The following TNNI3K variants were observed in gnomAD, a reference collection of about 807,000 sequenced individuals.
TNNI3K encodes the protein TNNI3 interacting kinase.
Under a neutral mutation model 114.5 loss-of-function variants are expected in TNNI3K, and 140 were observed. That is an observed-to-expected ratio of 1.22 (90% CI 1.07 to 1.41). The LOEUF is 1.41. Among genes scored for constraint, TNNI3K ranks in the 40% most tolerant of loss-of-function variants. The probability of loss-of-function intolerance (pLI) is 0.00; values close to 1 mark genes in which losing one functional copy is unlikely to be tolerated. For missense variants in TNNI3K, 1,125 were observed against 1,007.6 expected (o/e 1.12, Z -1.58); for synonymous variants, 347 against 347.5 (o/e 1.00, Z 0.02).
chr1:74,418,192 TGCTAGA>T (rs1371647678), intron 17 of TNNI3K: 3 of 453,852 alleles, frequency 6.6e-6, no homozygotes, highest in Non-Finnish European at 1.3e-5. Context: ...TGTATGTGAT[TGCTAGA>T]GCTCAAGCAG....
intron 21 of TNNI3K, chr1:74,475,242 T>G: frequency 1.6e-6 from 1 of 614,408 alleles, no homozygotes; most frequent in South Asian, 2.1e-5. Flanking sequence ...GGAGGCTCCC[T>G]CCTTCAAAAA....
chr1:74,470,462 T>C, intron 21 of TNNI3K: 1 of 400,708 alleles, frequency 2.5e-6, no homozygotes, highest in East Asian at 3.6e-5. Context: ...TTTTCGCTAC[T>C]ATTGGTTAGG....
At chr1:74,270,957 T>G (rs1360569879) in intron 4 of TNNI3K, among the ~76,000 whole-genome samples, 3 of 151,824 alleles carry the variant, frequency 2.0e-5, no homozygotes, top group Non-Finnish European at 4.4e-5. Context: ...AAGTAAGAAT[T>G]ACTTTAATTG....
At chr1:74,532,001 T>A (rs926807121) in intron 23 of TNNI3K, among the ~76,000 whole-genome samples, 3 of 152,200 alleles carry the variant, frequency 2.0e-5, no homozygotes, top group African/African-American at 7.2e-5. Context: ...TAAAAACTAA[T>A]TGGACCAATT....
intron 17 of TNNI3K, among the ~76,000 whole-genome samples, chr1:74,380,699 G>A (rs1043710499): frequency 2.6e-5 from 4 of 152,122 alleles, no homozygotes; most frequent in East Asian, 1.9e-4. Context: ...GTTTGGCTTC[G>A]TTTCTTCTCT....
rs113229834 is a variant in TNNI3K at position 74,343,176 on chromosome 1, A to G, written c.929A>G (p.His310Arg). 6.2e-7 allele frequency: 1 copy of G among 1,609,790 alleles called. No individual in the cohort carries two copies. Among genetic ancestry groups the G allele is most frequent in the Non-Finnish European group, 8.5e-7 (1 of 1,177,946 alleles). Residue 310 changes from histidine (H) to arginine (R), a missense_variant, in exon 9 of 25, where the codon CAT becomes CGT. Physicochemically the swap from His to Arg is conservative, Grantham distance 29. Transcript: ENST00000326637. ...KENIFSETAFHSACTYGKSID... is the reference protein window; with the variant it reads ...KENIFSETAFRSACTYGKSID... ...AACATCTTCAGTGAAACAGCTTTTC[A>G]TAGGTAAAAGAATATTTAAGTGCAA...
rs113290678 is a variant in TNNI3K, at chr1:74,352,122, A to G, written c.933-1144A>G. ...TTTTATCTACCTTTGGTCTTTGATG[A>G]TGGTGATGTACAGATGGGTTTCTGG... On this transcript the variant is annotated intron_variant, in intron 9 of 24. Transcript: ENST00000326637. 1.5e-3 allele frequency among the ~76,000 whole-genome samples: 222 copies of G among 152,050 alleles called. 2 individuals are homozygous for G. The highest frequency in any genetic ancestry group is 5.1e-3 in the African/African-American group (210 of 41,466).
chr1:74,346,372 A>G (rs2100453864), intron 9 of TNNI3K, among the ~76,000 whole-genome samples: 2 of 152,220 alleles, frequency 1.3e-5, no homozygotes, highest in South Asian at 4.1e-4. Context: ...CTGAATTTCT[A>G]ATTTGATTGT....
intron 17 of TNNI3K, among the ~76,000 whole-genome samples, chr1:74,421,203 T>A (rs184944266): frequency 3.3e-5 from 5 of 152,256 alleles, no homozygotes; most frequent in Admixed American, 6.5e-5. Flanking sequence ...CCAGCATGAA[T>A]AACGTTTACT....
chr1:74,361,965 G>A (rs938480004), intron 11 of TNNI3K, among the ~76,000 whole-genome samples: 3 of 152,098 alleles, frequency 2.0e-5, no homozygotes, highest in Admixed American at 2.0e-4. Context: ...CCTTACTGGG[G>A]CCTGCTGATT....
intron 20 of TNNI3K, among the ~76,000 whole-genome samples, chr1:74,454,280 C>T (rs999588690): frequency 6.6e-6 from 1 of 152,058 alleles, no homozygotes; most frequent in African/African-American, 2.4e-5. Context: ...TAACTATAGT[C>T]ACTCCATTAT....
chr1:74,257,077 CTTCT>C (rs1447115382), intron 4 of TNNI3K, among the ~76,000 whole-genome samples: 4 of 151,896 alleles, frequency 2.6e-5, no homozygotes, highest in African/African-American at 4.8e-5. Context: ...TTTCTTCCTT[CTTCT>C]TTCTTTCTGT....
chr1:74,308,357 A>G (rs1352543252), intron 5 of TNNI3K, among the ~76,000 whole-genome samples: 1 of 152,136 alleles, frequency 6.6e-6, no homozygotes, highest in African/African-American at 2.4e-5. Context: ...ATACCAAGGA[A>G]AACTCTGAAA....
At chr1:74,302,914 T>C (rs1264722732) in intron 5 of TNNI3K, among the ~76,000 whole-genome samples, 1 of 152,216 alleles carries the variant, frequency 6.6e-6, no homozygotes, top group Non-Finnish European at 1.5e-5. Context: ...TTAATGTAGA[T>C]GAAACAGTCT....
rs550868482 is a variant in TNNI3K, at chr1:74,516,174, A to G, written c.2351+23908A>G. On this transcript the variant is annotated intron_variant, in intron 23 of 24. Coordinates refer to ENST00000326637, the MANE Select transcript of TNNI3K (RefSeq NM_015978.3). ...CTGGTATTTCAAAATTTTTAAAAAT[A>G]TGGTCATTTATTTCTGTTCTGAAAT... 3.9e-5 allele frequency among the ~76,000 whole-genome samples: 6 copies of G among 152,318 alleles called. No homozygotes were observed. In the South Asian group the frequency reaches 1.2e-3, roughly 32 times the overall value.
chr1:74,330,591 G>A (rs1660144661), intron 5 of TNNI3K, among the ~76,000 whole-genome samples: 1 of 152,110 alleles, frequency 6.6e-6, no homozygotes, highest in East Asian at 1.9e-4. Context: ...TCACTGAGTA[G>A]TCCCATTTAT....
At chr1:74,401,181 C>T (rs1038686141) in intron 17 of TNNI3K, among the ~76,000 whole-genome samples, 1 of 152,152 alleles carries the variant, frequency 6.6e-6, no homozygotes, top group African/African-American at 2.4e-5. Flanking sequence ...TAGATATCTT[C>T]CTATAAATCA....
intron 23 of TNNI3K, among the ~76,000 whole-genome samples, chr1:74,502,158 GGA>G: frequency 6.6e-6 from 1 of 152,206 alleles, no homozygotes; most frequent in African/African-American, 2.4e-5. Flanking sequence ...ATATTTACTT[GGA>G]GTGATAATCT....
At chr1:74,411,935 A>T (rs1453975111) in intron 17 of TNNI3K, among the ~76,000 whole-genome samples, 1 of 152,168 alleles carries the variant, frequency 6.6e-6, no homozygotes. Context: ...GTTGTTTGTT[A>T]TTAAGAAATA....
Sources: allele counts gnomAD v4.1 joint callset (sites outside exome capture counted in the v4.1 genomes callset), GRCh38; gene constraint gnomAD v4.1.1; transcripts MANE v1.5; gene names NCBI Gene and HGNC (gene_info 2026-07-23, HGNC 2026-07-21).